The following SEMA3A variants were observed in gnomAD, a reference collection of about 807,000 sequenced individuals.
SEMA3A encodes the protein semaphorin-3A.
A neutral mutation model predicts 97.9 loss-of-function variants in SEMA3A; 29 were observed. The ratio of observed to expected loss-of-function variants is 0.30; its 90% confidence interval spans 0.22 to 0.40. The LOEUF (loss-of-function observed/expected upper bound fraction) is 0.40, where lower values mean the gene tolerates loss of function less well. Ranked by LOEUF, SEMA3A falls within the 10% of genes least tolerant of loss-of-function variation. The pLI, the probability that SEMA3A is intolerant of heterozygous loss-of-function variation, is 1.00. For synonymous variants in SEMA3A, 321 were observed against 323.7 expected (o/e 0.99, Z 0.09); for missense variants, 763 against 951.3 (o/e 0.80, Z 2.60).
chr7:84,218,880 T>C (rs1203008221), intron 3 of SEMA3A, among the ~76,000 whole-genome samples: 1 of 152,162 alleles, frequency 6.6e-6, no homozygotes, highest in Non-Finnish European at 1.5e-5. Context: ...TATGTTGAAA[T>C]CATGCCTAAC....
chr7:84,027,994 G>A (rs754674193), intron 6 of SEMA3A, among the ~76,000 whole-genome samples: 17 of 152,154 alleles, frequency 1.1e-4, no homozygotes, highest in Non-Finnish European at 2.4e-4. Flanking sequence ...CAAAATACAA[G>A]TATTCTTTCT....
chr7:84,190,389 A>T (rs1798004082), intron 1 of SEMA3A, among the ~76,000 whole-genome samples: 1 of 151,674 alleles, frequency 6.6e-6, no homozygotes, highest in Non-Finnish European at 1.5e-5. Flanking sequence ...TCAAAACATG[A>T]TTTATAAGGT....
chr7:84,328,923 T>G (rs2115939831), intron 2 of SEMA3A, among the ~76,000 whole-genome samples: 1 of 152,128 alleles, frequency 6.6e-6, no homozygotes, highest in Admixed American at 6.6e-5. Context: ...TCACATATAA[T>G]TTCCTAACAG....
At chr7:84,043,972 C>T (rs941378516) in intron 6 of SEMA3A, among the ~76,000 whole-genome samples, 1 of 151,866 alleles carries the variant, frequency 6.6e-6, no homozygotes, top group African/African-American at 2.4e-5. Context: ...TTCTCCAAGG[C>T]CATAAAAATG....
At chr7:84,020,950 C>T (rs1015750198) in intron 6 of SEMA3A, among the ~76,000 whole-genome samples, 1 of 152,136 alleles carries the variant, frequency 6.6e-6, no homozygotes, top group East Asian at 1.9e-4. Flanking sequence ...GAGAAATTAA[C>T]ACAATTTAAG....
chr7:84,092,949 C>G (rs1267402377), intron 4 of SEMA3A, among the ~76,000 whole-genome samples: 1 of 151,376 alleles, frequency 6.6e-6, no homozygotes, highest in Non-Finnish European at 1.5e-5. Flanking sequence ...GTAATACCAA[C>G]CAAAAAAAAA....
At chr7:84,107,052 T>C (rs942493794) in intron 4 of SEMA3A, among the ~76,000 whole-genome samples, 1 of 152,192 alleles carries the variant, frequency 6.6e-6, no homozygotes, top group Non-Finnish European at 1.5e-5. Context: ...GTCCTTTATC[T>C]GAAAAGTTGT....
At chr7:84,245,605 G>A (rs1799459474) in intron 3 of SEMA3A, among the ~76,000 whole-genome samples, 1 of 151,580 alleles carries the variant, frequency 6.6e-6, no homozygotes, top group African/African-American at 2.4e-5. Context: ...CTAATAGTCA[G>A]GCCCCTCTGC....
intron 3 of SEMA3A, among the ~76,000 whole-genome samples, chr7:84,240,357 G>C (rs949300349): frequency 6.6e-6 from 1 of 150,568 alleles, no homozygotes; most frequent in Admixed American, 6.7e-5. Flanking sequence ...TTGAGATAAA[G>C]AAATTTCTTG....
At chr7:84,049,618 T>C (rs1474879273) in intron 5 of SEMA3A, among the ~76,000 whole-genome samples, 2 of 152,156 alleles carry the variant, frequency 1.3e-5, no homozygotes, top group Admixed American at 1.3e-4. Flanking sequence ...AGAATAGATA[T>C]ATTTTTTAAA....
chr7:84,459,111 T>C (rs1805759783), intron 1 of SEMA3A, among the ~76,000 whole-genome samples: 1 of 152,156 alleles, frequency 6.6e-6, no homozygotes, highest in African/African-American at 2.4e-5. Context: ...TCTTACTCTA[T>C]AAATATCCCC....
chr7:84,404,263 C>A (rs1056389806), intron 1 of SEMA3A, among the ~76,000 whole-genome samples: 1 of 151,962 alleles, frequency 6.6e-6, no homozygotes, highest in African/African-American at 2.4e-5. Context: ...GCCTCAGTAA[C>A]CAATGCAATC....
At chr7:84,409,978 A>C (rs923596032) in intron 1 of SEMA3A, among the ~76,000 whole-genome samples, 1 of 152,062 alleles carries the variant, frequency 6.6e-6, no homozygotes, top group Admixed American at 6.6e-5. Flanking sequence ...AATAGCTTTC[A>C]TTTTTGTTAT....
At chr7:84,367,226 G>A (rs1444593092) in intron 2 of SEMA3A, among the ~76,000 whole-genome samples, 1 of 151,178 alleles carries the variant, frequency 6.6e-6, no homozygotes, top group African/African-American at 2.4e-5. Flanking sequence ...TACCAATTAT[G>A]AATGTATGTC....
intron 1 of SEMA3A, among the ~76,000 whole-genome samples, chr7:84,441,786 A>AT (rs1359556746): frequency 2.0e-5 from 3 of 152,202 alleles, no homozygotes; most frequent in Non-Finnish European, 4.4e-5. Flanking sequence ...AAATAAGTAA[A>AT]ATAGATGTGA....
At chr7:84,324,922 A>C (rs2115924437) in intron 2 of SEMA3A, among the ~76,000 whole-genome samples, 1 of 152,230 alleles carries the variant, frequency 6.6e-6, no homozygotes, top group East Asian at 1.9e-4. Context: ...AAAACACTAT[A>C]ATTCGGTAGA....
chr7:84,332,612 C>T (rs1319685068), intron 2 of SEMA3A, among the ~76,000 whole-genome samples: 1 of 151,854 alleles, frequency 6.6e-6, no homozygotes, highest in Non-Finnish European at 1.5e-5. Context: ...AAGAACATAG[C>T]TTTAACATGT....
intron 2 of SEMA3A, among the ~76,000 whole-genome samples, chr7:84,361,891 G>C (rs1051952292): frequency 6.6e-6 from 1 of 151,708 alleles, no homozygotes; most frequent in African/African-American, 2.4e-5. Flanking sequence ...AGAACTGCAG[G>C]GTGAACTCGG....
intron 1 of SEMA3A, among the ~76,000 whole-genome samples, chr7:84,160,294 C>T (rs1344364002): frequency 6.6e-6 from 1 of 151,750 alleles, no homozygotes; most frequent in Non-Finnish European, 1.5e-5. Flanking sequence ...TCGTTCTAAA[C>T]TATGACAAGT....
Sources: gnomAD v4.1 joint callset for allele counts (sites outside exome capture counted in the v4.1 genomes callset) on GRCh38, gnomAD v4.1.1 for gene constraint, MANE v1.5 for transcripts, NCBI Gene and HGNC (gene_info 2026-07-23, HGNC 2026-07-21) for gene names.